The following PDGFC variants were observed in gnomAD, a reference collection of about 807,000 sequenced individuals.
PDGFC encodes the protein platelet-derived growth factor C.
PDGFC carries 12 observed loss-of-function variants against 35.5 expected under a neutral mutation model. The ratio of observed to expected loss-of-function variants is 0.34; its 90% confidence interval spans 0.22 to 0.55. The LOEUF (loss-of-function observed/expected upper bound fraction) is 0.55, where lower values mean the gene tolerates loss of function less well. Among genes scored for constraint, PDGFC ranks in the 20% least tolerant of loss-of-function variants. The pLI is 0.91. For synonymous variants in PDGFC, 159 were observed against 148.8 expected (o/e 1.07, Z -0.50); for missense variants, 322 against 412.4 (o/e 0.78, Z 1.90).
chr4:156,888,935 T>C (rs1730439535), intron 1 of PDGFC, among the ~76,000 whole-genome samples: 1 of 152,182 alleles, frequency 6.6e-6, no homozygotes. Flanking sequence ...GAGCTTTGAG[T>C]TACTCACTCT....
intron 4 of PDGFC, among the ~76,000 whole-genome samples, chr4:156,771,962 A>G (rs935890170): frequency 6.6e-6 from 1 of 152,220 alleles, no homozygotes; most frequent in African/African-American, 2.4e-5. Flanking sequence ...GTAATTTTAT[A>G]GAAAACTCAG....
At chr4:156,902,015 G>A (rs1413341215) in intron 1 of PDGFC, among the ~76,000 whole-genome samples, 1 of 152,192 alleles carries the variant, frequency 6.6e-6, no homozygotes, top group African/African-American at 2.4e-5. Flanking sequence ...ATTCAGAGGA[G>A]CAGGATGGGT....
chr4:156,865,186 G>GTA (rs1553970983), intron 1 of PDGFC, among the ~76,000 whole-genome samples: 1 of 146,676 alleles, frequency 6.8e-6, no homozygotes, highest in Non-Finnish European at 1.5e-5. Flanking sequence ...AGATACATGT[G>GTA]CACACACACA....
At chr4:156,945,365 ATATATATAT>A (rs1020770721) in intron 1 of PDGFC, among the ~76,000 whole-genome samples, 1 of 115,570 alleles carries the variant, frequency 8.7e-6, no homozygotes, top group African/African-American at 3.8e-5. Flanking sequence ...ATATATATAT[ATATATATAT>A]ATATATATAT....
intron 1 of PDGFC, among the ~76,000 whole-genome samples, chr4:156,913,586 C>A (rs1553977216): frequency 6.6e-6 from 1 of 152,198 alleles, no homozygotes; most frequent in Non-Finnish European, 1.5e-5. Context: ...CCCTCCCTCT[C>A]TTGAGGCTTC....
intron 5 of PDGFC, among the ~76,000 whole-genome samples, chr4:156,764,148 T>C (rs1730456337): frequency 6.6e-6 from 1 of 152,200 alleles, no homozygotes; most frequent in Non-Finnish European, 1.5e-5. Flanking sequence ...ACTTTTTGGA[T>C]ACGACATAGA....
At position 156,762,899 on chromosome 4, in the gene PDGFC, T is replaced by C; in HGVS notation, c.*191A>G. 1 of 504,918 alleles carries C rather than the reference T, an allele frequency of 2.0e-6. No homozygotes were observed. The highest frequency in any genetic ancestry group is 3.5e-5 in the South Asian group (1 of 28,884). The allele number at this position is 504,918 out of a possible 1,614,324, so 31.3% of individuals were successfully genotyped here. On this transcript the variant is annotated 3_prime_UTR_variant, in exon 6 of 6. Transcript: ENST00000502773. ...TTTCTCCTGTCCTTTAGGCCTCCTC[T>C]CAAAAGAGCTGTTGCACAACTCCTA...
intron 1 of PDGFC, among the ~76,000 whole-genome samples, chr4:156,873,649 A>G (rs1336727349): frequency 6.6e-6 from 1 of 152,186 alleles, no homozygotes; most frequent in Non-Finnish European, 1.5e-5. Flanking sequence ...TGGTTTGGTA[A>G]AAGTTGTGAC....
chr4:156,968,529 G>A (rs1732518254), intron 1 of PDGFC, among the ~76,000 whole-genome samples: 2 of 152,182 alleles, frequency 1.3e-5, no homozygotes, highest in Admixed American at 6.5e-5. Context: ...AGTAGAAGTA[G>A]TAGTAGTAAC....
intron 1 of PDGFC, among the ~76,000 whole-genome samples, chr4:156,945,380 TATA>T (rs1731921427): frequency 1.7e-5 from 2 of 119,798 alleles, no homozygotes; most frequent in Middle Eastern, 4.0e-3. Context: ...TATATATATA[TATA>T]TATATATAAT....
At chr4:156,903,102 A>AGTGT (rs1426636075) in intron 1 of PDGFC, among the ~76,000 whole-genome samples, 23 of 88,324 alleles carry the variant, frequency 2.6e-4, no homozygotes, top group African/African-American at 1.0e-3. Context: ...AGAGAGAGAG[A>AGTGT]GAGTGTGTGT....
chr4:156,888,262 C>T (rs930555277), intron 1 of PDGFC, among the ~76,000 whole-genome samples: 1 of 152,076 alleles, frequency 6.6e-6, no homozygotes, highest in African/African-American at 2.4e-5. Context: ...ACATCATACT[C>T]ACCCTGGTAT....
At chr4:156,883,310 G>T (rs763049848) in intron 1 of PDGFC, among the ~76,000 whole-genome samples, 1 of 152,062 alleles carries the variant, frequency 6.6e-6, no homozygotes, top group Non-Finnish European at 1.5e-5. Context: ...AAACATATTT[G>T]ATTATACTCA....
At chr4:156,822,252 G>C (rs1300741646) in intron 2 of PDGFC, among the ~76,000 whole-genome samples, 1 of 151,540 alleles carries the variant, frequency 6.6e-6, no homozygotes, top group Non-Finnish European at 1.5e-5. Context: ...CCAGCTACCT[G>C]GGAGGCTGAG....
At chr4:156,949,417 GTA>G (rs1450688207) in intron 1 of PDGFC, among the ~76,000 whole-genome samples, 4 of 151,642 alleles carry the variant, frequency 2.6e-5, no homozygotes, top group Admixed American at 2.6e-4. Flanking sequence ...TTAAAAAGTA[GTA>G]TGTGTGTGTG....
chr4:156,832,209 T>TA (rs1281780804), intron 2 of PDGFC, among the ~76,000 whole-genome samples: 1 of 149,034 alleles, frequency 6.7e-6, no homozygotes, highest in Non-Finnish European at 1.5e-5. Context: ...TTATCTTCCT[T>TA]AAAAACAGGC....
chr4:156,847,032 T>A (rs1418860028), intron 2 of PDGFC, among the ~76,000 whole-genome samples: 1 of 151,570 alleles, frequency 6.6e-6, no homozygotes, highest in Admixed American at 6.6e-5. Flanking sequence ...TTATTAATTT[T>A]TACTAATATA....
At chr4:156,767,142 T>C (rs1467514123) in intron 5 of PDGFC, among the ~76,000 whole-genome samples, 2 of 151,948 alleles carry the variant, frequency 1.3e-5, no homozygotes, top group African/African-American at 4.8e-5. Flanking sequence ...GGAGACTCCA[T>C]CACTAAGAAA....
intron 2 of PDGFC, chr4:156,841,468 C>A (rs1004833643): frequency 2.0e-5 from 3 of 151,888 alleles, no homozygotes; most frequent in Non-Finnish European, 4.4e-5. Flanking sequence ...GTAAATTAAA[C>A]CTTTTTCCTT....
Sources: gnomAD v4.1 joint callset for allele counts (sites outside exome capture counted in the v4.1 genomes callset) on GRCh38, gnomAD v4.1.1 for gene constraint, MANE v1.5 for transcripts, NCBI Gene and HGNC (gene_info 2026-07-23, HGNC 2026-07-21) for gene names.